The following FILIP1 variants were observed in gnomAD, a reference collection of about 807,000 sequenced individuals.
The protein encoded by FILIP1 is filamin A interacting protein 1, also known as filamin-A-interacting protein 1.
Under a neutral mutation model 102.1 loss-of-function variants are expected in FILIP1, and 61 were observed. The ratio of observed to expected loss-of-function variants is 0.60; its 90% CI spans 0.49 to 0.74. The LOEUF is 0.74. Ranked by LOEUF, FILIP1 falls within the 30% of genes least tolerant of loss-of-function variation. The probability of loss-of-function intolerance (pLI) is 0.00; values close to 1 mark genes in which losing one functional copy is unlikely to be tolerated. For synonymous variants in FILIP1, 491 were observed against 526.9 expected (o/e 0.93, Z 0.93); for missense variants, 1,314 against 1,441.2 (o/e 0.91, Z 1.43).
chr6:75,299,666 T>G (rs1772782183), intron 6 of FILIP1, among the ~76,000 whole-genome samples: 1 of 152,158 alleles, frequency 6.6e-6, no homozygotes, highest in Non-Finnish European at 1.5e-5. Flanking sequence ...TTTTTTTCCT[T>G]AAAAAAACTT....
intron 1 of FILIP1, among the ~76,000 whole-genome samples, chr6:75,456,147 C>T (rs139722805): frequency 6.6e-6 from 1 of 152,282 alleles, no homozygotes; most frequent in African/African-American, 2.4e-5. Flanking sequence ...TTTTCCTCCC[C>T]AGGGAACATT....
intron 4 of FILIP1, chr6:75,319,333 G>A (rs1773558054): frequency 1.2e-5 from 8 of 645,612 alleles, no homozygotes; most frequent in Middle Eastern, 4.7e-4. Flanking sequence ...TTGATTTTTG[G>A]GCGATACTCA....
intron 2 of FILIP1, among the ~76,000 whole-genome samples, chr6:75,397,551 C>T (rs1051856617): frequency 2.8e-5 from 2 of 71,916 alleles, no homozygotes; most frequent in Admixed American, 1.3e-4. Flanking sequence ...CACACACACA[C>T]ACACACACAC....
At chr6:75,334,390 T>C in intron 4 of FILIP1, among the ~76,000 whole-genome samples, 1 of 152,156 alleles carries the variant, frequency 6.6e-6, no homozygotes, top group South Asian at 2.1e-4. Context: ...CACAATGAGC[T>C]GGTAATTTTC....
In FILIP1 at chr6:75,414,946, T is replaced by G; in HGVS notation, c.27A>C (p.Glu9Asp). MRSRNQGG[E>D]SASDGHISCP... is the part of the protein sequence containing the mutation. ...AGGAGATATGCCCATCAGATGCACTTTCACCACCTTGGTTTCGAGATCTCA... is the reference window on the plus strand; with the variant it reads ...AGGAGATATGCCCATCAGATGCACTGTCACCACCTTGGTTTCGAGATCTCA... Residue 9 changes from glutamate (E) to aspartate (D), a missense_variant, in exon 2 of 6, where the codon GAA (glutamate) becomes GAC (aspartate). Transcript: ENST00000237172. 6.2e-7 allele frequency: 1 copy of G among 1,613,710 alleles called. No homozygotes were observed. Among genetic ancestry groups the G allele is most frequent in the Non-Finnish European group, 8.5e-7 (1 of 1,179,726 alleles).
chr6:75,477,772 G>A (rs754394074), intron 1 of FILIP1, among the ~76,000 whole-genome samples: 2 of 152,050 alleles, frequency 1.3e-5, no homozygotes, highest in Non-Finnish European at 2.9e-5. Flanking sequence ...CGAAGAGAGG[G>A]AAACAATTCC....
intron 4 of FILIP1, among the ~76,000 whole-genome samples, chr6:75,343,915 G>A (rs1774493682): frequency 6.6e-6 from 1 of 152,238 alleles, no homozygotes; most frequent in Admixed American, 6.5e-5. Flanking sequence ...GATGATGGGA[G>A]TTCTTAGAAA....
intron 2 of FILIP1, among the ~76,000 whole-genome samples, chr6:75,387,730 T>G (rs1562532420): frequency 6.6e-6 from 1 of 152,232 alleles, no homozygotes; most frequent in African/African-American, 2.4e-5. Context: ...TGGGGTTGTT[T>G]ATTTTTTTCT....
Position 75,362,754 on chromosome 6 carries a change from G to A in FILIP1, c.440C>T (p.Pro147Leu), listed in dbSNP as rs377250497. 1.6e-5 allele frequency: 26 copies of A among 1,613,024 alleles called. No homozygotes were observed. Among genetic ancestry groups the A allele is most frequent in the East Asian group, 2.2e-5 (1 of 44,862 alleles). ...KSIGEDVYEK[P>L]ISELDRLEEK... The stretch of plus-strand genomic sequence containing the variant: ...GTGTCATATTTTTACCTCTGAAATC[G>A]GTTTCTCATAGACATCTTCTCCTAT... Residue 147 changes from proline (P) to leucine (L), a missense_variant, in exon 3 of 6, where the codon CCG becomes CTG. Around this residue, in one of 3 missense-constraint regions of FILIP1, gnomAD observed 494 missense variants for 511.2 expected, o/e 0.97. Coordinates refer to ENST00000237172, the MANE Select transcript of FILIP1 (RefSeq NM_015687.5).
chr6:75,372,436 A>G (rs1387600313), intron 2 of FILIP1, among the ~76,000 whole-genome samples: 1 of 150,052 alleles, frequency 6.7e-6, no homozygotes, highest in Non-Finnish European at 1.5e-5. Flanking sequence ...GGCAAAAAAG[A>G]AAAAAAAATT....
Position 75,483,642 on chromosome 6 carries a change from T to C in FILIP1, c.-7+9772A>G, listed in dbSNP as rs75201303. The stretch of plus-strand genomic sequence containing the variant: ...CCAATTGGGCCAGTCATTGGGAAAA[T>C]AGAGGGGAAGGCAAGGACCCAATCT... On this transcript the variant is annotated intron_variant, in intron 1 of 5. Transcript: ENST00000237172. 5.2e-3 allele frequency among the ~76,000 whole-genome samples: 789 copies of C among 151,928 alleles called. 8 individuals are homozygous for C. Among genetic ancestry groups the C allele is most frequent in the Non-Finnish European group, 8.4e-3 (569 of 67,944 alleles).
chr6:75,367,079 A>C (rs1276476938), intron 2 of FILIP1, among the ~76,000 whole-genome samples: 1 of 152,204 alleles, frequency 6.6e-6, no homozygotes, highest in African/African-American at 2.4e-5. Context: ...CTTGACCCCA[A>C]ACTTCCTAAT....
At position 75,404,292 on chromosome 6, in the gene FILIP1, T is replaced by G. The variant is rs533159546; in HGVS notation, c.276+10405A>C. On this transcript the variant is annotated intron_variant, in intron 2 of 5. Transcript: ENST00000237172. ...CCGTACCAGAAACCCTAAATGCAAA[T>G]AGCTCAAATTCCAGTTTTTCCAGCC... Among the ~76,000 whole-genome samples the G allele has an allele frequency of 2.6e-5, 4 of 152,100 alleles. No individual in the cohort carries two copies. In the South Asian group the frequency reaches 8.3e-4, roughly 32 times the overall value.
chr6:75,332,505 A>G, intron 4 of FILIP1, among the ~76,000 whole-genome samples: 1 of 152,116 alleles, frequency 6.6e-6, no homozygotes, highest in East Asian at 1.9e-4. Flanking sequence ...TTCTCTCCCC[A>G]ACTCAAAGAG....
chr6:75,355,020 C>T (rs748446064), intron 3 of FILIP1, among the ~76,000 whole-genome samples: 4 of 152,026 alleles, frequency 2.6e-5, no homozygotes, highest in African/African-American at 9.7e-5. Flanking sequence ...AGAGGCCGGG[C>T]GCAAAGGCTC....
At chr6:75,335,251 C>T (rs1314766360) in intron 4 of FILIP1, among the ~76,000 whole-genome samples, 1 of 152,090 alleles carries the variant, frequency 6.6e-6, no homozygotes, top group Non-Finnish European at 1.5e-5. Context: ...ATGCCAAGTG[C>T]CTTTCATTTT....
intron 5 of FILIP1, among the ~76,000 whole-genome samples, chr6:75,310,138 A>G (rs1163027252): frequency 6.6e-6 from 1 of 152,234 alleles, no homozygotes; most frequent in Non-Finnish European, 1.5e-5. Flanking sequence ...GGGACTGCTC[A>G]CCATTCCCCA....
intron 1 of FILIP1, among the ~76,000 whole-genome samples, chr6:75,462,899 A>C (rs1036783153): frequency 1.3e-5 from 2 of 152,162 alleles, no homozygotes; most frequent in African/African-American, 4.8e-5. Context: ...AAGAGCAGTT[A>C]AGTGGAGGTG....
chr6:75,304,072 T>A (rs990181447), downstream of FILIP1, among the ~76,000 whole-genome samples: 1 of 151,890 alleles, frequency 6.6e-6, no homozygotes, highest in Non-Finnish European at 1.5e-5. Context: ...TTTGGAAAAA[T>A]ATATATATAG....
Sources: allele counts gnomAD v4.1 joint callset (sites outside exome capture counted in the v4.1 genomes callset), GRCh38; gene constraint gnomAD v4.1.1; regional missense constraint gnomAD v4.1.1; transcripts MANE v1.5; gene names NCBI Gene and HGNC (gene_info 2026-07-23, HGNC 2026-07-21).